The following AGMO variants were observed in gnomAD, a reference collection of about 807,000 sequenced individuals.
AGMO encodes alkylglycerol monooxygenase, also known as glyceryl-ether monooxygenase.
In AGMO, 75 loss-of-function variants were observed where a neutral mutation model predicts 60.2. The observed-to-expected ratio is 1.25, with a 90% CI of 1.03 to 1.51. AGMO has a LOEUF of 1.51. Ranked by LOEUF, AGMO falls within the 40% of genes most tolerant of loss-of-function variation. AGMO has a pLI of 0.00. For missense variants in AGMO, 763 were observed against 525.5 expected (o/e 1.45, Z -4.42); for synonymous variants, 261 against 177.1 (o/e 1.47, Z -3.76).
Position 15,384,663 on chromosome 7 carries a change from T to C in AGMO, c.1074+783A>G, listed in dbSNP as rs116593245. On this transcript the variant is annotated intron_variant, in intron 10 of 12. Transcript: ENST00000342526. Reference sequence around the variant, plus strand: ...TGCTTACTTTATTGGTAACAAGGTATAAAAACAGCATTTTTTTAAACTCAC... The same window carrying C: ...TGCTTACTTTATTGGTAACAAGGTACAAAAACAGCATTTTTTTAAACTCAC... Among the ~76,000 whole-genome samples, 677 of 152,214 alleles carry C rather than the reference T, an allele frequency of 4.4e-3. 8 individuals are homozygous for C. The highest frequency in any genetic ancestry group is 0.015 in the African/African-American group (627 of 41,550).
intron 3 of AGMO, among the ~76,000 whole-genome samples, chr7:15,465,750 A>G (rs2128510302): frequency 6.6e-6 from 1 of 151,884 alleles, no homozygotes; most frequent in South Asian, 2.1e-4. Context: ...TAAGTCTCAT[A>G]TATTTAAGAG....
chr7:15,343,980 CTAA>C lies in AGMO; in HGVS notation c.1263+21531_1263+21533del, dbSNP rs201137736. ...TATTTTCCTTTAACTATCCATAAAA[CTAA>C]CTGGAAGACATTAGCTATCATTTTA... is the stretch of plus-strand genomic sequence containing the variant. On this transcript the variant is annotated intron_variant, in intron 12 of 12. Transcript: ENST00000342526. Among the ~76,000 whole-genome samples, 1,211 of 152,158 alleles carry C rather than the reference CTAA, an allele frequency of 8.0e-3. 11 individuals are homozygous for C. Among genetic ancestry groups the C allele is most frequent in the African/African-American group, 0.023 (949 of 41,522 alleles).
chr7:15,284,322 T>C (rs369149444), intron 12 of AGMO, among the ~76,000 whole-genome samples: 3 of 151,988 alleles, frequency 2.0e-5, no homozygotes, highest in Non-Finnish European at 2.9e-5. Flanking sequence ...AACAAATTGA[T>C]AGACCATTAG....
At chr7:15,485,573 C>T (rs957749495) in intron 3 of AGMO, among the ~76,000 whole-genome samples, 7 of 152,114 alleles carry the variant, frequency 4.6e-5, no homozygotes, top group African/African-American at 1.7e-4. Context: ...TTAACAAATG[C>T]ACTTTGCAAC....
chr7:15,479,138 T>C (rs1359103827), intron 3 of AGMO, among the ~76,000 whole-genome samples: 1 of 152,130 alleles, frequency 6.6e-6, no homozygotes, highest in Admixed American at 6.5e-5. Flanking sequence ...ACATAGAAGT[T>C]TCTATGTAGA....
chr7:15,248,599 T>A (rs1174383572), intron 12 of AGMO, among the ~76,000 whole-genome samples: 1 of 152,152 alleles, frequency 6.6e-6, no homozygotes, highest in Non-Finnish European at 1.5e-5. Context: ...AGTTCAGTGG[T>A]AATGAGTGAT....
At chr7:15,211,734 T>C (rs1248687610) in intron 12 of AGMO, among the ~76,000 whole-genome samples, 2 of 152,066 alleles carry the variant, frequency 1.3e-5, no homozygotes, top group Non-Finnish European at 2.9e-5. Context: ...TCCCCACTCA[T>C]ATATAAAACT....
At chr7:15,387,921 T>TTTTC (rs1554265131) in intron 8 of AGMO, among the ~76,000 whole-genome samples, 1 of 146,748 alleles carries the variant, frequency 6.8e-6, no homozygotes, top group Admixed American at 6.8e-5. Context: ...TTTTTTTTTT[T>TTTTC]CCCCAAGACA....
chr7:15,481,336 A>G (rs924321947), intron 3 of AGMO, among the ~76,000 whole-genome samples: 1 of 152,156 alleles, frequency 6.6e-6, no homozygotes, highest in African/African-American at 2.4e-5. Context: ...AGGGTGACAT[A>G]AGTGTTGGGA....
intron 12 of AGMO, among the ~76,000 whole-genome samples, chr7:15,322,084 T>C (rs1324757780): frequency 6.6e-6 from 1 of 151,922 alleles, no homozygotes; most frequent in Non-Finnish European, 1.5e-5. Context: ...GGTAGCAGAA[T>C]TGCTTGAGCC....
intron 12 of AGMO, among the ~76,000 whole-genome samples, chr7:15,211,187 G>A (rs1563036624): frequency 1.3e-5 from 2 of 151,962 alleles, no homozygotes; most frequent in Admixed American, 6.6e-5. Flanking sequence ...TAGCTTCCCT[G>A]ATTTTTCACA....
chr7:15,482,447 G>A (rs955623020), intron 3 of AGMO, among the ~76,000 whole-genome samples: 1 of 151,974 alleles, frequency 6.6e-6, no homozygotes, highest in Non-Finnish European at 1.5e-5. Context: ...TATCAAAAAG[G>A]AAATAATAAT....
rs1340679884 is a variant in AGMO, at chr7:15,552,015, A to G, written c.258-7092T>C. On this transcript the variant is annotated intron_variant, in intron 2 of 12. Coordinates refer to ENST00000342526, the MANE Select transcript of AGMO (RefSeq NM_001004320.2). The stretch of plus-strand genomic sequence containing the variant: ...GAACAGAGCCCTCAGAAATAATGCC[A>G]CATATCTGCAACTATCTGATCTTTG... 2.0e-3 allele frequency among the ~76,000 whole-genome samples: 303 copies of G among 152,036 alleles called. 1 individual carries two copies. The highest frequency in any genetic ancestry group is 7.1e-3 in the African/African-American group (294 of 41,440).
the AGMO span, among the ~76,000 whole-genome samples, chr7:15,151,458 A>G: frequency 1.3e-5 from 2 of 152,126 alleles, no homozygotes; most frequent in African/African-American, 4.8e-5. Context: ...GTTCAGCACA[A>G]TAAACTTTCA....
chr7:15,275,839 G>A (rs1015650620), intron 12 of AGMO, among the ~76,000 whole-genome samples: 1 of 151,904 alleles, frequency 6.6e-6, no homozygotes, highest in Non-Finnish European at 1.5e-5. Context: ...TGTTTTATCT[G>A]ATATAATAAT....
At chr7:15,326,530 A>G (rs1781344277) in intron 12 of AGMO, among the ~76,000 whole-genome samples, 1 of 152,226 alleles carries the variant, frequency 6.6e-6, no homozygotes, top group Non-Finnish European at 1.5e-5. Flanking sequence ...ATGCTTACTA[A>G]TGCTCTTAAG....
At chr7:15,373,471 A>G (rs1023915690) in intron 10 of AGMO, among the ~76,000 whole-genome samples, 1 of 152,162 alleles carries the variant, frequency 6.6e-6, no homozygotes, top group Non-Finnish European at 1.5e-5. Context: ...GTTTGACGCC[A>G]TGTTACTTAA....
chr7:15,455,883 G>A (rs1781987374), intron 3 of AGMO, among the ~76,000 whole-genome samples: 2 of 152,020 alleles, frequency 1.3e-5, no homozygotes, highest in African/African-American at 4.8e-5. Flanking sequence ...AAGCATTTAA[G>A]TCGAGATTTT....
chr7:15,264,308 T>C (rs180824891), intron 12 of AGMO, among the ~76,000 whole-genome samples: 7 of 152,066 alleles, frequency 4.6e-5, no homozygotes, highest in Admixed American at 4.6e-4. Flanking sequence ...GAGACTTTCC[T>C]TACAGTGAAA....
Sources: gnomAD v4.1 joint callset for allele counts (sites outside exome capture counted in the v4.1 genomes callset) on GRCh38, gnomAD v4.1.1 for gene constraint, MANE v1.5 for transcripts, NCBI Gene and HGNC (gene_info 2026-07-23, HGNC 2026-07-21) for gene names.